CDC5L: variants seen among roughly 807,000 people sequenced by gnomAD.
The protein encoded by CDC5L is cell division cycle 5 like.
Under a neutral mutation model 104.1 loss-of-function variants are expected in CDC5L, and 18 were observed. That is an observed-to-expected ratio of 0.17 (90% CI 0.12 to 0.26). The LOEUF is 0.26. Ranked by LOEUF, CDC5L falls within the 10% of genes least tolerant of loss-of-function variation. The probability of loss-of-function intolerance (pLI) is 1.00; values close to 1 mark genes in which losing one functional copy is unlikely to be tolerated. For synonymous variants in CDC5L, 331 were observed against 322.7 expected (o/e 1.03, Z -0.28); for missense variants, 673 against 956.9 (o/e 0.70, Z 3.91).
At chr6:44,392,585 C>T in intron 2 of CDC5L, 82 bp from the exon 3 acceptor site, 1 of 1,255,170 alleles carries the variant, frequency 8.0e-7, no homozygotes, top group South Asian at 1.4e-5. Context: ...AGGATGAGAG[C>T]ACAAGTCAGT....
In CDC5L at chr6:44,419,539, G is replaced by A. The variant is rs754633653; in HGVS notation, c.1183G>A (p.Val395Ile). 2.5e-6 allele frequency: 4 copies of A among 1,613,364 alleles called. No homozygotes were observed. Among genetic ancestry groups the A allele is most frequent in the Non-Finnish European group, 2.5e-6 (3 of 1,179,384 alleles). ...ATTGCATGAGAGTGACTTCTCAGGT[G>A]TAACTCCACAGCGACAAGTTGTACA... ...TPLHESDFSG[V>I]TPQRQVVQTP... The change falls in exon 9 of 16, where the codon GTA becomes ATA. Residue 395 changes from valine to isoleucine, a missense_variant. Val to Ile is a conservative substitution (Grantham distance 29, BLOSUM62 3). Around this residue, in one of 4 missense-constraint regions of CDC5L, gnomAD observed 578 missense variants for 737.0 expected, o/e 0.78. Transcript: ENST00000371477.
At chr6:44,414,388 G>GCC (rs1791811284) in intron 8 of CDC5L, among the ~76,000 whole-genome samples, 7 of 20,914 alleles carry the variant, frequency 3.3e-4, no homozygotes, top group Admixed American at 9.6e-4. Context: ...TGGCCTGTGT[G>GCC]TGTGTGTGTG....
At chr6:44,435,422 A>G (rs1215846051) in intron 14 of CDC5L, among the ~76,000 whole-genome samples, 1 of 152,062 alleles carries the variant, frequency 6.6e-6, no homozygotes, top group Non-Finnish European at 1.5e-5. Context: ...AAATCAGGGT[A>G]AGAATGATGG....
At chr6:44,397,021 G>C (rs1353486212) in intron 5 of CDC5L, among the ~76,000 whole-genome samples, 4 of 152,110 alleles carry the variant, frequency 2.6e-5, no homozygotes, top group Non-Finnish European at 5.9e-5. Flanking sequence ...TGTCCTTTTG[G>C]GTTTTTATGG....
rs759469566 is a variant in CDC5L at position 44,446,757 on chromosome 6, C to T, written c.*46C>T. ...ACAGGATTAATTAATTGCCGGTTTT[C>T]ATACTCTAGAAGGCTGAAACTGATG... On this transcript the variant is annotated 3_prime_UTR_variant, in exon 16 of 16. Coordinates refer to ENST00000371477, the MANE Select transcript of CDC5L (RefSeq NM_001253.4). The T allele has an allele frequency of 2.1e-6, 2 of 951,518 alleles. No individual in the cohort carries two copies. Among genetic ancestry groups the T allele is most frequent in the Admixed American group, 2.2e-5 (1 of 44,806 alleles). The allele number at this position is 951,518 out of a possible 1,614,324, so 58.9% of individuals were successfully genotyped here. A position where few individuals can be genotyped will look rare whatever the true frequency, so the allele number is the denominator to read the frequency against.
intron 4 of CDC5L, among the ~76,000 whole-genome samples, chr6:44,393,885 C>T (rs1790734382): frequency 6.6e-6 from 1 of 152,072 alleles, no homozygotes; most frequent in African/African-American, 2.4e-5. Flanking sequence ...AGGCTGGTCT[C>T]AAACTCCTGG....
At chr6:44,436,190 G>A (rs1792929959) in intron 14 of CDC5L, among the ~76,000 whole-genome samples, 1 of 152,210 alleles carries the variant, frequency 6.6e-6, no homozygotes, top group Non-Finnish European at 1.5e-5. Flanking sequence ...CTCCTCCCAT[G>A]TGTCTTCAAG....
chr6:44,411,653 T>TGTGTGTGTGTGA (rs1176515142), intron 8 of CDC5L, among the ~76,000 whole-genome samples: 3 of 136,120 alleles, frequency 2.2e-5, no homozygotes, highest in African/African-American at 7.6e-5. Flanking sequence ...TGTGTGTGTG[T>TGTGTGTGTGTGA]GACTAAAAAT....
intron 11 of CDC5L, among the ~76,000 whole-genome samples, chr6:44,425,025 G>A (rs1008414650): frequency 6.6e-6 from 1 of 152,044 alleles, no homozygotes; most frequent in Non-Finnish European, 1.5e-5. Flanking sequence ...TCCAGTCCGG[G>A]GAACATAGTA....
chr6:44,411,093 C>G (rs906701851), intron 8 of CDC5L, among the ~76,000 whole-genome samples: 14 of 151,064 alleles, frequency 9.3e-5, no homozygotes, highest in Admixed American at 5.3e-4. Context: ...GTTTTCTTTT[C>G]CTTGCATAGT....
At chr6:44,391,690 C>CTTAT (rs1790630402) in intron 2 of CDC5L, among the ~76,000 whole-genome samples, 1 of 152,096 alleles carries the variant, frequency 6.6e-6, no homozygotes, top group African/African-American at 2.4e-5. Flanking sequence ...ATTTCCTAGG[C>CTTAT]ACCTGGTTAG....
At chr6:44,411,363 T>C (rs1283435497) in intron 8 of CDC5L, among the ~76,000 whole-genome samples, 1 of 152,122 alleles carries the variant, frequency 6.6e-6, no homozygotes, top group Non-Finnish European at 1.5e-5. Context: ...GTTAGTCATA[T>C]TCCTCAGAGA....
At chr6:44,441,176 C>CATT (rs1286650115) in intron 14 of CDC5L, among the ~76,000 whole-genome samples, 2 of 152,194 alleles carry the variant, frequency 1.3e-5, no homozygotes, top group African/African-American at 4.8e-5. Context: ...TGGTAGCCAC[C>CATT]ATTGTACTCT....
At chr6:44,440,788 A>G (rs995371710) in intron 14 of CDC5L, among the ~76,000 whole-genome samples, 2 of 149,864 alleles carry the variant, frequency 1.3e-5, no homozygotes, top group Non-Finnish European at 3.0e-5. Context: ...GTTCACTGCA[A>G]CCTCTGCCTC....
At chr6:44,442,534 T>A (rs979588430) in intron 14 of CDC5L, among the ~76,000 whole-genome samples, 1 of 152,148 alleles carries the variant, frequency 6.6e-6, no homozygotes, top group African/African-American at 2.4e-5. Context: ...AACGGTATTT[T>A]AAGTTGATAA....
chr6:44,410,310 A>G (rs1265988090), intron 8 of CDC5L, among the ~76,000 whole-genome samples: 3 of 152,158 alleles, frequency 2.0e-5, no homozygotes, highest in Non-Finnish European at 4.4e-5. Context: ...AAGTAAAATC[A>G]TGGGGAATTT....
chr6:44,393,160 AAT>A (rs1191616438), intron 3 of CDC5L, among the ~76,000 whole-genome samples: 2 of 149,938 alleles, frequency 1.3e-5, no homozygotes, highest in African/African-American at 4.9e-5. Flanking sequence ...GTTCTTTACT[AAT>A]AGTTTTTTTT....
chr6:44,390,189 C>T (rs1351069971), intron 1 of CDC5L, 79 bp from the exon 2 acceptor site: 1 of 816,878 alleles, frequency 1.2e-6, no homozygotes, highest in Admixed American at 1.9e-5. Context: ...TCCAATAGCC[C>T]TATCAGAGTT....
At chr6:44,393,348 T>G (rs1790706040) in intron 3 of CDC5L, 98 bp from the exon 4 acceptor site, 3 of 1,183,226 alleles carry the variant, frequency 2.5e-6, no homozygotes, top group Non-Finnish European at 3.6e-6. Context: ...ATCCATTGGT[T>G]TTTTTGGGGG....
Sources: gnomAD v4.1 joint callset for allele counts (sites outside exome capture counted in the v4.1 genomes callset) on GRCh38, gnomAD v4.1.1 for gene constraint, gnomAD v4.1.1 regional missense constraint, MANE v1.5 for transcripts, NCBI Gene and HGNC (gene_info 2026-07-23, HGNC 2026-07-21) for gene names.